GRM5: variants seen among roughly 807,000 people sequenced by gnomAD.
GRM5 encodes the protein glutamate metabotropic receptor 5, also known as metabotropic glutamate receptor 5.
A neutral mutation model predicts 83.1 loss-of-function variants in GRM5; 19 were observed. The observed-to-expected ratio is 0.23, with a 90% CI of 0.16 to 0.34. The LOEUF is 0.34. Among genes scored for constraint, GRM5 ranks in the 10% least tolerant of loss-of-function variants. The pLI is 1.00. For missense variants in GRM5, 1,160 were observed against 1,588.3 expected (o/e 0.73, Z 4.58); for synonymous variants, 675 against 633.6 (o/e 1.07, Z -0.98).
chr11:88,707,708 C>A (rs1024349158), intron 3 of GRM5, among the ~76,000 whole-genome samples: 2 of 152,056 alleles, frequency 1.3e-5, no homozygotes, highest in African/African-American at 4.8e-5. Context: ...CTGTGGCCAG[C>A]TAATGAAAAG....
At chr11:88,992,106 C>T (rs534747313) in intron 2 of GRM5, among the ~76,000 whole-genome samples, 5 of 152,198 alleles carry the variant, frequency 3.3e-5, no homozygotes, top group South Asian at 2.1e-4. Flanking sequence ...ATTTTTGCAA[C>T]CTACTCATCT....
intron 7 of GRM5, among the ~76,000 whole-genome samples, chr11:88,588,556 C>T (rs16914280): frequency 0.045 from 6,825 of 152,094 alleles, 506 homozygotes; most frequent in African/African-American, 0.15. Flanking sequence ...ACCTGCTTAC[C>T]CATATACAGA....
intron 2 of GRM5, among the ~76,000 whole-genome samples, chr11:88,885,450 GTTTTTTTTTTTTTTTTTT>G (rs61456975): frequency 3.2e-5 from 2 of 62,666 alleles, no homozygotes; most frequent in East Asian, 1.1e-3. Context: ...TAGGTACCAT[GTTTTTTTTTTTTTTTTTT>G]TTTTTTTTTT....
intron 2 of GRM5, among the ~76,000 whole-genome samples, chr11:89,014,731 T>C (rs2088738504): frequency 6.6e-6 from 1 of 152,322 alleles, no homozygotes; most frequent in Non-Finnish European, 1.5e-5. Flanking sequence ...GGATACCCCA[T>C]TTTCCAGGAT....
At chr11:88,619,094 C>T (rs1019162545) in intron 4 of GRM5, among the ~76,000 whole-genome samples, 53 of 152,304 alleles carry the variant, frequency 3.5e-4, no homozygotes, top group African/African-American at 1.3e-3. Context: ...AAAGGATTAG[C>T]AGAAACTACA....
At chr11:88,692,053 A>C (rs1411967197) in intron 3 of GRM5, among the ~76,000 whole-genome samples, 1 of 152,158 alleles carries the variant, frequency 6.6e-6, no homozygotes, top group Non-Finnish European at 1.5e-5. Context: ...GAAACACTGG[A>C]AGCTGCACAC....
intron 2 of GRM5, among the ~76,000 whole-genome samples, chr11:88,990,013 G>T (rs144000169): frequency 0.083 from 12,593 of 151,508 alleles, 1,703 homozygotes; most frequent in African/African-American, 0.28. Flanking sequence ...ATTAAAATCA[G>T]AGCAGAACTG....
chr11:88,889,378 G>T (rs541181387), intron 2 of GRM5, among the ~76,000 whole-genome samples: 8 of 152,236 alleles, frequency 5.3e-5, no homozygotes, highest in African/African-American at 1.7e-4. Flanking sequence ...AGTTCTTTGG[G>T]TCAGATCTCT....
chr11:88,519,020 C>G (rs1411084897), intron 9 of GRM5, among the ~76,000 whole-genome samples: 1 of 146,576 alleles, frequency 6.8e-6, no homozygotes, highest in African/African-American at 2.5e-5. Context: ...ACACAGGCAA[C>G]TAGATAATAT....
At chr11:88,561,541 A>C (rs552328376) in intron 8 of GRM5, among the ~76,000 whole-genome samples, 14 of 152,314 alleles carry the variant, frequency 9.2e-5, no homozygotes, top group African/African-American at 3.4e-4. Flanking sequence ...CTTTAGATTC[A>C]TCAGATTCAA....
At chr11:88,576,412 GTTGTA>G (rs1355077663) in intron 7 of GRM5, among the ~76,000 whole-genome samples, 1 of 152,166 alleles carries the variant, frequency 6.6e-6, no homozygotes, top group African/African-American at 2.4e-5. Flanking sequence ...TTCTTTGCTT[GTTGTA>G]TTTCTAGTGC....
rs182955443 is a variant in GRM5 at position 88,706,796 on chromosome 11, T to C, written c.912-53393A>G. Among the ~76,000 whole-genome samples the C allele has an allele frequency of 5.9e-5, 9 of 152,244 alleles. No individual in the cohort carries two copies. In the East Asian group the frequency reaches 1.4e-3, roughly 23 times the overall value. ...TATAATTCCTCAACATCTACACCTT[T>C]GCTTGTAGCTTAGTGTAAGAATTAG... On this transcript the variant is annotated intron_variant, in intron 3 of 9. Transcript: ENST00000305447.
chr11:89,037,343 C>A (rs149798494), intron 2 of GRM5, among the ~76,000 whole-genome samples: 2,557 of 152,114 alleles, frequency 0.017, 66 homozygotes, highest in African/African-American at 0.057. Flanking sequence ...ACTCGCCTGA[C>A]CTCCTTGTCT....
At chr11:88,947,525 G>A (rs1016008737) in intron 2 of GRM5, among the ~76,000 whole-genome samples, 4 of 151,246 alleles carry the variant, frequency 2.6e-5, no homozygotes, top group African/African-American at 9.7e-5. Context: ...TTGCGTCCTT[G>A]CATTGTTAGT....
intron 3 of GRM5, among the ~76,000 whole-genome samples, chr11:88,840,464 C>T (rs1013798984): frequency 6.6e-6 from 1 of 152,160 alleles, no homozygotes; most frequent in Non-Finnish European, 1.5e-5. Context: ...TATTCTGAAA[C>T]CCTTTACCCC....
At chr11:88,883,869 A>T (rs1945000854) in intron 2 of GRM5, among the ~76,000 whole-genome samples, 2 of 152,190 alleles carry the variant, frequency 1.3e-5, no homozygotes, top group Non-Finnish European at 2.9e-5. Flanking sequence ...CACAGAAGTC[A>T]AGAATTGAGG....
At chr11:88,638,049 G>T (rs187556245) in intron 4 of GRM5, among the ~76,000 whole-genome samples, 1 of 150,504 alleles carries the variant, frequency 6.6e-6, no homozygotes, top group Non-Finnish European at 1.5e-5. Flanking sequence ...GTAAACTATC[G>T]CAAGAACAAA....
At chr11:88,973,673 T>C (rs1939237373) in intron 2 of GRM5, among the ~76,000 whole-genome samples, 1 of 152,184 alleles carries the variant, frequency 6.6e-6, no homozygotes, top group Non-Finnish European at 1.5e-5. Context: ...TCCAGAACCA[T>C]GAAAGAATAA....
chr11:88,915,298 T>C (rs1945570014), intron 2 of GRM5, among the ~76,000 whole-genome samples: 1 of 152,066 alleles, frequency 6.6e-6, no homozygotes, highest in Non-Finnish European at 1.5e-5. Flanking sequence ...TGTAACAAGA[T>C]TGGTGGTTTA....
Sources: gnomAD v4.1 joint callset for allele counts (sites outside exome capture counted in the v4.1 genomes callset) on GRCh38, gnomAD v4.1.1 for gene constraint, MANE v1.5 for transcripts, NCBI Gene and HGNC (gene_info 2026-07-23, HGNC 2026-07-21) for gene names.